The following BABAM2 variants were observed in gnomAD, a reference collection of about 807,000 sequenced individuals.
BABAM2 encodes the protein BRISC and BRCA1 A complex member 2.
In BABAM2, 31 loss-of-function variants were observed where a neutral mutation model predicts 54.7. That is an observed-to-expected ratio of 0.57 (90% CI 0.43 to 0.77). The LOEUF is 0.77. BABAM2 is among the 30% of genes least tolerant of loss of function. The probability of loss-of-function intolerance (pLI) is 0.00; values close to 1 mark genes in which losing one functional copy is unlikely to be tolerated. For missense variants in BABAM2, 364 were observed against 455.8 expected, an observed-to-expected ratio of 0.80 and a Z score of 1.83; for synonymous variants, 167 against 162.9, an observed-to-expected ratio of 1.03 and a Z score of -0.19.
intron 10 of BABAM2, among the ~76,000 whole-genome samples, chr2:28,266,716 C>T (rs1261931146): frequency 6.6e-6 from 1 of 152,186 alleles, no homozygotes; most frequent in East Asian, 1.9e-4. Flanking sequence ...GTACCTGATG[C>T]CACTTTATTT....
rs187802290 is a variant in BABAM2, at chr2:28,252,758, G to T, written c.934+7896G>T. The stretch of plus-strand genomic sequence containing the variant: ...CAATCATGCAATGAATTTTTCCCCT[G>T]TACCCTCTTATATATGTTGTATGAA... On this transcript the variant is annotated intron_variant, in intron 10 of 11. Transcript: ENST00000379624. Among the ~76,000 whole-genome samples, 108 of 152,276 alleles carry T rather than the reference G, an allele frequency of 7.1e-4. 1 individual carries two copies. The highest frequency in any genetic ancestry group is 5.2e-3 in the East Asian group (27 of 5,186).
At chr2:28,227,646 A>G (rs1295724939) in intron 7 of BABAM2, among the ~76,000 whole-genome samples, 1 of 152,176 alleles carries the variant, frequency 6.6e-6, no homozygotes, top group African/African-American at 2.4e-5. Flanking sequence ...TGTTGTCCAC[A>G]GTGCCTTTCA....
Position 27,957,543 on chromosome 2 carries a change from A to C in BABAM2, c.205+27635A>C, listed in dbSNP as rs1670173119. Among the ~76,000 whole-genome samples, 14 of 152,248 alleles carry C rather than the reference A, an allele frequency of 9.2e-5. No homozygotes were observed. In the South Asian group the frequency reaches 2.7e-3, roughly 29 times the overall value. The stretch of plus-strand genomic sequence containing the variant: ...TATCTCTGCCTAGAATTACCATCTC[A>C]TTATTTCTTTATCTAAGCCTACTCT... On this transcript the variant is annotated intron_variant, in intron 3 of 11. Coordinates refer to ENST00000379624, the MANE Select transcript of BABAM2 (RefSeq NM_199191.3).
At chr2:28,127,212 A>AT (rs1558363353) in intron 6 of BABAM2, among the ~76,000 whole-genome samples, 1 of 152,100 alleles carries the variant, frequency 6.6e-6, no homozygotes, top group Non-Finnish European at 1.5e-5. Context: ...GAAGTCCTTA[A>AT]TTTTTTAAAA....
intron 1 of BABAM2, among the ~76,000 whole-genome samples, chr2:27,891,614 A>C (rs1039499310): frequency 6.6e-6 from 1 of 152,030 alleles, no homozygotes; most frequent in Non-Finnish European, 1.5e-5. Flanking sequence ...CTCCCTGTCC[A>C]TGTACCCGGT....
intron 3 of BABAM2, among the ~76,000 whole-genome samples, chr2:27,942,754 AC>A (rs1333317638): frequency 6.6e-6 from 1 of 151,888 alleles, no homozygotes; most frequent in Admixed American, 6.6e-5. Flanking sequence ...TTGGCAGGGC[AC>A]CTGATAATAA....
At chr2:28,175,542 A>T (rs914007381) in intron 7 of BABAM2, among the ~76,000 whole-genome samples, 1 of 152,158 alleles carries the variant, frequency 6.6e-6, no homozygotes, top group African/African-American at 2.4e-5. Context: ...TGTTGCCACC[A>T]TCACAGCCAG....
intron 10 of BABAM2, among the ~76,000 whole-genome samples, chr2:28,276,950 G>A (rs796713365): frequency 1.8e-4 from 27 of 152,276 alleles, no homozygotes; most frequent in African/African-American, 5.8e-4. Flanking sequence ...GTGAGCCCAT[G>A]TTCTCTGTGC....
chr2:28,018,535 T>A (rs1203424538), intron 4 of BABAM2, among the ~76,000 whole-genome samples: 1 of 152,242 alleles, frequency 6.6e-6, no homozygotes, highest in Non-Finnish European at 1.5e-5. Context: ...GTGGGATTGC[T>A]GGATCAAAAG....
chr2:28,123,550 A>T (rs530909525), intron 6 of BABAM2, among the ~76,000 whole-genome samples: 9 of 152,326 alleles, frequency 5.9e-5, no homozygotes, highest in Middle Eastern at 3.4e-3. Context: ...TACAGTAATC[A>T]TCTGTAATGT....
intron 2 of BABAM2, among the ~76,000 whole-genome samples, chr2:27,922,756 C>T (rs1278524922): frequency 6.6e-6 from 1 of 152,102 alleles, no homozygotes; most frequent in African/African-American, 2.4e-5. Flanking sequence ...ACACAGTGAA[C>T]ACTGATGAAA....
At chr2:28,246,412 G>A (rs1682922372) in intron 10 of BABAM2, among the ~76,000 whole-genome samples, 1 of 152,136 alleles carries the variant, frequency 6.6e-6, no homozygotes, top group Admixed American at 6.5e-5. Context: ...TGACCCAACG[G>A]CAGATCTTGA....
At chr2:28,317,563 T>C (rs1243231563) in intron 11 of BABAM2, among the ~76,000 whole-genome samples, 1 of 152,200 alleles carries the variant, frequency 6.6e-6, no homozygotes, top group Non-Finnish European at 1.5e-5. Flanking sequence ...AGGGCAGCGA[T>C]CATGGGATCT....
intron 6 of BABAM2, among the ~76,000 whole-genome samples, chr2:28,071,914 G>C (rs550845381): frequency 6.6e-6 from 1 of 152,230 alleles, no homozygotes; most frequent in East Asian, 1.9e-4. Context: ...GAATCCTTTT[G>C]ACATGGCCCT....
chr2:28,285,574 A>G (rs1686719779), intron 10 of BABAM2, among the ~76,000 whole-genome samples: 1 of 152,182 alleles, frequency 6.6e-6, no homozygotes, highest in South Asian at 2.1e-4. Flanking sequence ...ATGAGGAAAC[A>G]TGTAATCCTT....
chr2:27,932,820 C>A (rs12477472), intron 3 of BABAM2, among the ~76,000 whole-genome samples: 2 of 152,204 alleles, frequency 1.3e-5, no homozygotes, highest in Admixed American at 1.3e-4. Context: ...CTCTTCCTCA[C>A]ATTATTACAG....
intron 2 of BABAM2, among the ~76,000 whole-genome samples, chr2:27,907,833 A>G (rs1265307718): frequency 1.3e-5 from 2 of 152,184 alleles, no homozygotes; most frequent in Non-Finnish European, 2.9e-5. Context: ...TTCAAGGTTC[A>G]TCCGTGTTGT....
At chr2:27,997,134 A>G (rs1673214083) in intron 4 of BABAM2, among the ~76,000 whole-genome samples, 1 of 152,188 alleles carries the variant, frequency 6.6e-6, no homozygotes, top group Admixed American at 6.5e-5. Flanking sequence ...AAAATGTTCA[A>G]TAACAAATTA....
chr2:28,326,284 C>G (rs556567708), intron 11 of BABAM2, among the ~76,000 whole-genome samples: 2 of 152,306 alleles, frequency 1.3e-5, no homozygotes, highest in East Asian at 3.9e-4. Context: ...TCCCTGCACC[C>G]CACCCCAGGC....
Sources: gnomAD v4.1 joint callset for allele counts (sites outside exome capture counted in the v4.1 genomes callset) on GRCh38, gnomAD v4.1.1 for gene constraint, MANE v1.5 for transcripts, NCBI Gene and HGNC (gene_info 2026-07-23, HGNC 2026-07-21) for gene names.